The following HDLBP variants were observed in gnomAD, a reference collection of about 807,000 sequenced individuals.
HDLBP encodes the protein vigilin.
A neutral mutation model predicts 137.3 loss-of-function variants in HDLBP; 30 were observed. The ratio of observed to expected loss-of-function variants is 0.22; its 90% confidence interval spans 0.16 to 0.30. The LOEUF (loss-of-function observed/expected upper bound fraction) is 0.30, where lower values mean the gene tolerates loss of function less well. HDLBP is among the 10% of genes least tolerant of loss of function. HDLBP has a pLI of 1.00. For missense variants in HDLBP, 1,119 were observed against 1,667.3 expected, an observed-to-expected ratio of 0.67 and a Z score of 5.73; for synonymous variants, 606 against 596.0, an observed-to-expected ratio of 1.02 and a Z score of -0.24.
In HDLBP at chr2:241,248,027, G is replaced by A. The variant is rs777836586; in HGVS notation, c.1707C>T (p.Tyr569=). 9 of 1,613,356 alleles carry A rather than the reference G, an allele frequency of 5.6e-6. No individual in the cohort carries two copies. Among genetic ancestry groups the A allele is most frequent in the East Asian group, 2.2e-5 (1 of 44,884 alleles). ...PKNEVEKCTK[Y]MQKMVADLVE... ...CCAGATCTGCCACCATCTTCTGCAT[G>A]TATTTTGTGCATTTTTCCACCTCAT... Residue 569 remains tyrosine, a synonymous_variant, in exon 14 of 28, where the codon TAC becomes TAT. Transcript: ENST00000310931.
At position 241,235,107 on chromosome 2, in the gene HDLBP, C is replaced by CACCTCCTGCTCACCCGG. The variant is rs757689293; in HGVS notation, c.3141_3144+13dup. 6.2e-6 allele frequency: 10 copies of CACCTCCTGCTCACCCGG among 1,610,984 alleles called. No individual in the cohort carries two copies. The highest frequency in any genetic ancestry group is 8.5e-6 in the Non-Finnish European group (10 of 1,179,744). ...CCATGGCTCTGGGCAGTGCCCCGGC[C>CACCTCCTGCTCACCCGG]ACCTCCTGCTCACCCGGTCCTCCTG... is the stretch of plus-strand genomic sequence containing the variant. On this transcript the variant is annotated intron_variant, in intron 23 of 27. Transcript: ENST00000310931.
At chr2:241,273,535 T>G (rs2074271164) in intron 1 of HDLBP, 1 of 930,870 alleles carries the variant, frequency 1.1e-6, no homozygotes, top group South Asian at 4.9e-5. Context: ...ACTTGTCACT[T>G]CTGCATCCAT....
intron 1 of HDLBP, among the ~76,000 whole-genome samples, chr2:241,281,982 C>T (rs1485295823): frequency 6.6e-6 from 1 of 152,042 alleles, no homozygotes; most frequent in East Asian, 1.9e-4. Flanking sequence ...ATATAACAAT[C>T]TTAAGGAAAA....
chr2:241,312,639 C>T (rs770840721), intron 1 of HDLBP, among the ~76,000 whole-genome samples: 1 of 152,174 alleles, frequency 6.6e-6, no homozygotes, highest in African/African-American at 2.4e-5. Context: ...TCTTTCAGAA[C>T]TTGGTTACTT....
intron 1 of HDLBP, among the ~76,000 whole-genome samples, chr2:241,305,581 G>A (rs1362759582): frequency 6.6e-6 from 1 of 152,148 alleles, no homozygotes; most frequent in Non-Finnish European, 1.5e-5. Flanking sequence ...TGTACCACAG[G>A]ATGTAAGCAT....
intron 1 of HDLBP, among the ~76,000 whole-genome samples, chr2:241,274,909 G>A (rs2074334122): frequency 6.6e-6 from 1 of 152,102 alleles, no homozygotes; most frequent in Admixed American, 6.6e-5. Context: ...TCTGCTCAAG[G>A]TAGGAGGTGA....
rs933371811 is a variant in HDLBP, at chr2:241,227,694, G to A, written c.*1907C>T. 6.6e-6 allele frequency: 1 copy of A among 152,616 alleles called. No homozygotes were observed. The highest frequency in any genetic ancestry group is 1.5e-5 in the Non-Finnish European group (1 of 68,062). 9.5% of individuals were successfully genotyped at this position (152,616 alleles called of 1,614,324 possible). ...GACCTTTGGGAGAGGGTAGGGGCAG[G>A]ATGTTTTATGACACTGTAGAAAAGA... On this transcript the variant is annotated 3_prime_UTR_variant, in exon 28 of 28. Coordinates refer to ENST00000310931, the MANE Select transcript of HDLBP (RefSeq NM_005336.6).
intron 3 of HDLBP, 44 bp from the exon 4 acceptor site, chr2:241,264,649 A>G (rs780441995): frequency 6.3e-7 from 1 of 1,583,510 alleles, no homozygotes; most frequent in Admixed American, 1.7e-5. Context: ...TACTTTTAGC[A>G]TTACATGAAA....
At position 241,266,872 on chromosome 2, in the gene HDLBP, T is replaced by C; in HGVS notation, c.-3A>G. 6.2e-7 allele frequency: 1 copy of C among 1,614,128 alleles called. No homozygotes were observed. On this transcript the variant is annotated 5_prime_UTR_variant, in exon 3 of 28. Transcript: ENST00000310931. Reference sequence around the variant, plus strand: ...GTCAAAACTGCAACGGAACTCATGGTTGATCTCACACCTACACACAATCCG... The same window carrying C: ...GTCAAAACTGCAACGGAACTCATGGCTGATCTCACACCTACACACAATCCG...
At chr2:241,277,769 C>G (rs75170386) in intron 1 of HDLBP, among the ~76,000 whole-genome samples, 23,950 of 152,126 alleles carry the variant, frequency 0.16, 2,077 homozygotes, top group Middle Eastern at 0.28. Flanking sequence ...CGAGACCAGC[C>G]TGACCAACAT....
In HDLBP at chr2:241,272,342, C is replaced by T. The variant is rs1045696706; in HGVS notation, c.-102-3801G>A. 146 of 984,276 alleles carry T rather than the reference C, an allele frequency of 1.5e-4. No homozygotes were observed. In the African/African-American group the frequency reaches 2.0e-3, roughly 13 times the overall value. The allele number at this position is 984,276 out of a possible 1,614,324, so 61.0% of individuals were successfully genotyped here. ...CCGGAGCGGGGGAGGGGAGGGCCGG[C>T]CCCGCCAACGTCAGCGACCTGGGCT... is the stretch of plus-strand genomic sequence containing the variant. On this transcript the variant is annotated intron_variant, in intron 1 of 27. Transcript: ENST00000310931. The surrounding 1 kb of genome is among the most constrained non-coding windows in gnomAD (Gnocchi z 5.6).
rs2074103951 is a variant in HDLBP at position 241,272,183 on chromosome 2, C to T, written c.-102-3642G>A. On this transcript the variant is annotated intron_variant, in intron 1 of 27. Coordinates refer to ENST00000310931, the MANE Select transcript of HDLBP (RefSeq NM_005336.6). This position sits in a 1 kb window ranked among gnomAD's most constrained non-coding sequence, Gnocchi z 5.6. ...CGAACACGTAGACTGACGCGGGCCC[C>T]GCGCGGCAGGTGGAGGTGCTGCGGG... 6.1e-6 allele frequency: 6 copies of T among 985,264 alleles called. No individual in the cohort carries two copies. Among genetic ancestry groups the T allele is most frequent in the Non-Finnish European group, 7.2e-6 (6 of 829,782 alleles). 61.0% of individuals were successfully genotyped at this position (985,264 alleles called of 1,614,324 possible).
intron 5 of HDLBP, among the ~76,000 whole-genome samples, chr2:241,262,241 T>TGGG (rs2073257948): frequency 6.6e-6 from 1 of 152,198 alleles, no homozygotes; most frequent in African/African-American, 2.4e-5. Flanking sequence ...ATCTTTACCA[T>TGGG]TCAGCAAGCC....
chr2:241,307,823 G>A (rs191707309), intron 1 of HDLBP, among the ~76,000 whole-genome samples: 347 of 151,792 alleles, frequency 2.3e-3, no homozygotes, highest in Non-Finnish European at 4.2e-3. Flanking sequence ...TACATGTTGA[G>A]TGGAGTAAAC....
At chr2:241,280,415 A>G (rs2074551664) in intron 1 of HDLBP, among the ~76,000 whole-genome samples, 4 of 152,256 alleles carry the variant, frequency 2.6e-5, no homozygotes, top group African/African-American at 9.6e-5. Flanking sequence ...AGTTCAGATG[A>G]GACAGAAACA....
chr2:241,277,479 A>AG (rs1278877542), intron 1 of HDLBP, among the ~76,000 whole-genome samples: 1 of 152,232 alleles, frequency 6.6e-6, no homozygotes, highest in Non-Finnish European at 1.5e-5. Context: ...AAGAATTAAA[A>AG]GGGGGTCAAA....
At chr2:241,284,531 G>C (rs1453883472) in intron 1 of HDLBP, among the ~76,000 whole-genome samples, 2 of 152,236 alleles carry the variant, frequency 1.3e-5, no homozygotes, top group East Asian at 3.8e-4. Context: ...AAGATGTTGT[G>C]AACATTGTTG....
chr2:241,299,902 G>C lies in HDLBP; in HGVS notation c.-103+15668C>G, dbSNP rs113019883. On this transcript the variant is annotated intron_variant, in intron 1 of 27. Coordinates refer to ENST00000310931, the MANE Select transcript of HDLBP (RefSeq NM_005336.6). ...TGCACTCCAGCCTGGGGGACAGAGCGAGATTCCGTCTCAAACAAACAAAAA... is the reference window on the plus strand; with the variant it reads ...TGCACTCCAGCCTGGGGGACAGAGCCAGATTCCGTCTCAAACAAACAAAAA... Among the ~76,000 whole-genome samples the C allele has an allele frequency of 8.4e-5, 11 of 130,920 alleles. 1 individual carries two copies. Among genetic ancestry groups the C allele is most frequent in the African/African-American group, 3.2e-4 (11 of 34,920 alleles). The allele number at this position is 130,920 out of a possible 152,430, so 85.9% of individuals were successfully genotyped here. A position where few individuals can be genotyped will look rare whatever the true frequency, so the allele number is the denominator to read the frequency against.
At chr2:241,265,165 T>A (rs1448546239) in intron 3 of HDLBP, among the ~76,000 whole-genome samples, 2 of 152,314 alleles carry the variant, frequency 1.3e-5, no homozygotes, top group East Asian at 3.9e-4. Context: ...ACACCTGTAA[T>A]CCCAGCACTT....
Sources: allele counts gnomAD v4.1 joint callset (sites outside exome capture counted in the v4.1 genomes callset), GRCh38; gene constraint gnomAD v4.1.1; non-coding constraint Gnocchi (gnomAD v3.1); transcripts MANE v1.5; gene names NCBI Gene and HGNC (gene_info 2026-07-23, HGNC 2026-07-21).